TCF3: variants seen among roughly 807,000 people sequenced by gnomAD.
TCF3 encodes the protein transcription factor E2-alpha.
A neutral mutation model predicts 72.3 loss-of-function variants in TCF3; 54 were observed. That is an observed-to-expected ratio of 0.75 (90% CI 0.60 to 0.94). The LOEUF (loss-of-function observed/expected upper bound fraction) is 0.94. TCF3 is among the 40% of genes least tolerant of loss of function. The pLI, the probability that TCF3 is intolerant of heterozygous loss-of-function variation, is 0.00. For synonymous variants in TCF3, 525 were observed against 412.6 expected, an observed-to-expected ratio of 1.27 and a Z score of -3.30; for missense variants, 1,078 against 934.4, an observed-to-expected ratio of 1.15 and a Z score of -2.00.
rs1452871989 is a variant in TCF3, at chr19:1,609,853, C to T, written c.*1854G>A. ...GCAGTCCAGGATCTCCTGGGGGTAACGGTGGGAGTCTCAGGAGTGGCACGG... is the reference window on the plus strand; with the variant it reads ...GCAGTCCAGGATCTCCTGGGGGTAATGGTGGGAGTCTCAGGAGTGGCACGG... On this transcript the variant is annotated 3_prime_UTR_variant, in exon 19 of 19. Coordinates refer to ENST00000262965, the MANE Select transcript of TCF3 (RefSeq NM_003200.5). 3.4e-5 allele frequency: 8 copies of T among 231,976 alleles called. No homozygotes were observed. Among genetic ancestry groups the T allele is most frequent in the African/African-American group, 1.3e-4 (6 of 45,210 alleles). 14.4% of individuals were successfully genotyped at this position (231,976 alleles called of 1,614,324 possible).
Position 1,621,186 on chromosome 19 carries a change from G to C in TCF3, c.961C>G (p.Arg321Gly). 1 of 1,536,074 alleles carries C rather than the reference G, an allele frequency of 6.5e-7. No homozygotes were observed. The highest frequency in any genetic ancestry group is 8.7e-7 in the Non-Finnish European group (1 of 1,146,102). Residue 321 changes from arginine to glycine, a missense_variant, in exon 12 of 19, where the codon CGA (arginine) becomes GGA (glycine). Coordinates refer to ENST00000262965, the MANE Select transcript of TCF3 (RefSeq NM_003200.5). ...CCGGAGCTGCCAGCTGTGGTCCCTC[G>C]GGAGCCTGTGGGTGAAGAGAGGTGA... is the stretch of plus-strand genomic sequence containing the variant. ...VSGADSLLGS[R>G]GTTAGSSGDA...
chr19:1,621,225 C>T (rs545008831), intron 11 of TCF3, 34 bp from the exon 12 acceptor site: 18 of 1,528,222 alleles, frequency 1.2e-5, no homozygotes, highest in East Asian at 9.8e-5. Context: ...CCACGCAGCC[C>T]GGCCTGGGTG....
At position 1,615,290 on chromosome 19, in the gene TCF3, A is replaced by G. The variant is rs2061436736; in HGVS notation, c.1817T>C (p.Val606Ala). ...VSVILNLEQQ[V>A]RERNLNPKAA... The stretch of plus-strand genomic sequence containing the variant: ...TGGCCCGCGCCCCCACTGACCTCGC[A>G]CTTGCTGCTCCAAGTTCAGGATGAC... Residue 606 changes from valine (V) to alanine (A), a missense_variant, in exon 18 of 19, where the codon GTG (valine) becomes GCG (alanine). Val to Ala is a moderately conservative substitution (Grantham distance 64). Transcript: ENST00000262965. This position sits in a 1 kb window ranked among gnomAD's most constrained non-coding sequence, Gnocchi z 7.3. 6.3e-7 allele frequency: 1 copy of G among 1,591,760 alleles called. No homozygotes were observed. Among genetic ancestry groups the G allele is most frequent in the South Asian group, 1.1e-5 (1 of 89,672 alleles).
rs78200735 is a variant in TCF3 at position 1,614,911 on chromosome 19, G to A, written c.1822+374C>T. Among the ~76,000 whole-genome samples, 17,399 of 152,102 alleles carry A rather than the reference G, an allele frequency of 0.11. 1,120 individuals carry two copies. The highest frequency in any genetic ancestry group is 0.26 in the South Asian group (1,243 of 4,806). On this transcript the variant is annotated intron_variant, in intron 18 of 18. Transcript: ENST00000262965. This position sits in a 1 kb window ranked among gnomAD's most constrained non-coding sequence, Gnocchi z 5.6. ...CACACCAGCTCCTGTCTCTGGGATC[G>A]GGGGACACTGGCCTCTGTGAGCTGG...
chr19:1,624,445 T>C (rs1349847250), intron 7 of TCF3, among the ~76,000 whole-genome samples: 3 of 152,182 alleles, frequency 2.0e-5, no homozygotes, highest in Non-Finnish European at 2.9e-5. Flanking sequence ...CGGGTCTATT[T>C]ATACGGCTCC....
intron 3 of TCF3, among the ~76,000 whole-genome samples, chr19:1,636,761 G>A (rs1275695503): frequency 2.0e-5 from 3 of 152,164 alleles, no homozygotes; most frequent in Non-Finnish European, 4.4e-5. Flanking sequence ...CCGAGTGGGG[G>A]AGAAAATGCT....
intron 11 of TCF3, among the ~76,000 whole-genome samples, chr19:1,621,602 T>TGGGTGGGTGAGTCC (rs1568369567): frequency 3.3e-5 from 5 of 152,210 alleles, no homozygotes; most frequent in African/African-American, 9.6e-5. Context: ...TCTCTGAGCC[T>TGGGTGGGTGAGTCC]CTTTCCCAGC....
In TCF3 at chr19:1,624,265, G is replaced by A. The variant is rs375236803; in HGVS notation, c.500-265C>T. Among the ~76,000 whole-genome samples, 26 of 152,200 alleles carry A rather than the reference G, an allele frequency of 1.7e-4. No homozygotes were observed. The East Asian group carries it at 1.7e-3, about 10-fold the overall frequency. On this transcript the variant is annotated intron_variant, in intron 7 of 18. Coordinates refer to ENST00000262965, the MANE Select transcript of TCF3 (RefSeq NM_003200.5). Reference sequence around the variant, plus strand: ...ACAAAAAGTAGCCGGGCGTGGTGGCGGGTGCCTATAATTCCAGCTACTCGG... The same window carrying A: ...ACAAAAAGTAGCCGGGCGTGGTGGCAGGTGCCTATAATTCCAGCTACTCGG...
At chr19:1,632,714 C>G (rs1031823131) in intron 3 of TCF3, among the ~76,000 whole-genome samples, 4 of 152,226 alleles carry the variant, frequency 2.6e-5, no homozygotes, top group Admixed American at 2.0e-4. Context: ...ACCTCACTCT[C>G]ACGCCGAGCC....
chr19:1,625,326 G>A (rs554482410), intron 7 of TCF3, among the ~76,000 whole-genome samples: 60 of 152,350 alleles, frequency 3.9e-4, no homozygotes, highest in Admixed American at 1.3e-4. Context: ...GCCCGTGCCC[G>A]TCAGCTGCAG....
intron 5 of TCF3, among the ~76,000 whole-genome samples, chr19:1,627,741 G>A (rs1428848887): frequency 6.6e-6 from 1 of 152,110 alleles, no homozygotes; most frequent in African/African-American, 2.4e-5. Flanking sequence ...CCCTGCCCAG[G>A]GGGTGGGGCG....
chr19:1,650,756 C>A lies in TCF3; in HGVS notation c.-39-469G>T, dbSNP rs183655473. Reference sequence around the variant, plus strand: ...ATTTGGTGATTCCCCCCTCCCCCAGCAGATGGCACAGCCCGTTGAAGACCA... The same window carrying A: ...ATTTGGTGATTCCCCCCTCCCCCAGAAGATGGCACAGCCCGTTGAAGACCA... On this transcript the variant is annotated intron_variant, in intron 1 of 18. Transcript: ENST00000262965. The A allele has an allele frequency of 1.5e-3, 357 of 232,170 alleles. 5 individuals carry two copies. Among genetic ancestry groups the A allele is most frequent in the Non-Finnish European group, 1.0e-3 (119 of 117,624 alleles). The allele number at this position is 232,170 out of a possible 1,614,324, so 14.4% of individuals were successfully genotyped here. A position where few individuals can be genotyped will look rare whatever the true frequency, so the allele number is the denominator to read the frequency against.
rs2061499984 is a variant in TCF3, at chr19:1,615,838, G to A, written c.1451-17C>T. 8 of 1,524,660 alleles carry A rather than the reference G, an allele frequency of 5.2e-6. No homozygotes were observed. The East Asian group carries it at 1.4e-4, about 26-fold the overall frequency. The allele number at this position is 1,524,660 out of a possible 1,614,324, so 94.4% of individuals were successfully genotyped here. A position where few individuals can be genotyped will look rare whatever the true frequency, so the allele number is the denominator to read the frequency against. ...GCCCTAGCCCTGCAACAGGCCTAGG[G>A]TCAGGGGCCTGCGTCGGCCTCCAGG... is the stretch of plus-strand genomic sequence containing the variant. On this transcript the variant is annotated splice_polypyrimidine_tract_variant and intron_variant, in intron 16 of 18. Transcript: ENST00000262965. This position sits in a 1 kb window ranked among gnomAD's most constrained non-coding sequence, Gnocchi z 7.3.
chr19:1,633,560 T>C (rs1295000318), intron 3 of TCF3, among the ~76,000 whole-genome samples: 3 of 152,224 alleles, frequency 2.0e-5, no homozygotes, highest in Admixed American at 6.5e-5. Context: ...CGGGGAGTAT[T>C]GGTGTTTAAT....
intron 1 of TCF3, among the ~76,000 whole-genome samples, chr19:1,651,936 A>C (rs970277952): frequency 1.7e-4 from 25 of 149,134 alleles, no homozygotes; most frequent in Admixed American, 1.4e-3. Context: ...CTACCCGAGA[A>C]AGGGGGCGCC....
chr19:1,617,229 T>C (rs2061640501), intron 16 of TCF3, among the ~76,000 whole-genome samples: 1 of 152,188 alleles, frequency 6.6e-6, no homozygotes, highest in East Asian at 1.9e-4. Context: ...ATCACACCCT[T>C]GATCAGCAGG....
At chr19:1,626,500 G>A (rs909420931) in intron 6 of TCF3, among the ~76,000 whole-genome samples, 22 of 152,098 alleles carry the variant, frequency 1.4e-4, no homozygotes, top group Admixed American at 3.3e-4. Flanking sequence ...GGCCCCACGG[G>A]GTGGCCCAGC....
At chr19:1,629,357 T>C (rs187325959) in intron 5 of TCF3, among the ~76,000 whole-genome samples, 537 of 151,708 alleles carry the variant, frequency 3.5e-3, no homozygotes, top group Admixed American at 5.1e-3. Flanking sequence ...CATTCAGCCT[T>C]CAGGCCAGGG....
chr19:1,652,053 G>C (rs1053242481), intron 1 of TCF3, among the ~76,000 whole-genome samples: 23 of 149,678 alleles, frequency 1.5e-4, no homozygotes, highest in African/African-American at 5.4e-4. Context: ...AAAGTTTCCC[G>C]AAGTGCCCGG....
Sources: allele counts gnomAD v4.1 joint callset (sites outside exome capture counted in the v4.1 genomes callset), GRCh38; gene constraint gnomAD v4.1.1; non-coding constraint Gnocchi (gnomAD v3.1); transcripts MANE v1.5; gene names NCBI Gene and HGNC (gene_info 2026-07-23, HGNC 2026-07-21).